The following TOP2A variants were observed in gnomAD, a reference collection of about 807,000 sequenced individuals.
The protein encoded by TOP2A is DNA topoisomerase II alpha.
In TOP2A, 68 loss-of-function variants were observed where a neutral mutation model predicts 187.2. The ratio of observed to expected loss-of-function variants is 0.36; its 90% CI spans 0.30 to 0.44. The LOEUF (loss-of-function observed/expected upper bound fraction) is 0.44, where lower values mean the gene tolerates loss of function less well. Among genes scored for constraint, TOP2A ranks in the 20% least tolerant of loss-of-function variants. The pLI is 1.00. For missense variants in TOP2A, 1,196 were observed against 1,808.7 expected, an observed-to-expected ratio of 0.66 and a Z score of 6.14; for synonymous variants, 542 against 593.2, an observed-to-expected ratio of 0.91 and a Z score of 1.25.
chr17:40,393,716 A>G (rs1384045611), intron 29 of TOP2A, among the ~76,000 whole-genome samples: 2 of 152,206 alleles, frequency 1.3e-5, no homozygotes, highest in Non-Finnish European at 2.9e-5. Flanking sequence ...ATATACAAAA[A>G]CTAATTCAAA....
At position 40,411,957 on chromosome 17, in the gene TOP2A, C is replaced by T. The variant is rs1402889311; in HGVS notation, c.790-139G>A. The T allele has an allele frequency of 2.8e-5, 19 of 685,026 alleles. No individual in the cohort carries two copies. In the East Asian group the frequency reaches 4.7e-4, roughly 17 times the overall value. 42.4% of individuals were successfully genotyped at this position (685,026 alleles called of 1,614,324 possible). ...GGAATGGTCATTAAAGGACACAGGC[C>T]GAGGTGGGTGGATCACTTGAGCCCA... is the stretch of plus-strand genomic sequence containing the variant. On this transcript the variant is annotated intron_variant, in intron 7 of 34. Coordinates refer to ENST00000423485, the MANE Select transcript of TOP2A (RefSeq NM_001067.4). This position sits in a 1 kb window ranked among gnomAD's most constrained non-coding sequence, Gnocchi z 4.4.
chr17:40,400,423 T>G lies in TOP2A; in HGVS notation c.2800-14A>C. 1 of 1,611,914 alleles carries G rather than the reference T, an allele frequency of 6.2e-7. No homozygotes were observed. Among genetic ancestry groups the G allele is most frequent in the Non-Finnish European group, 8.5e-7 (1 of 1,179,140 alleles). On this transcript the variant is annotated splice_polypyrimidine_tract_variant and intron_variant, in intron 22 of 34. Transcript: ENST00000423485. ...TTCTTTGTATGTCTAAAGAAAGAAATAATCCTGAAGTTTCTAAAATATAGG... is the reference window on the plus strand; with the variant it reads ...TTCTTTGTATGTCTAAAGAAAGAAAGAATCCTGAAGTTTCTAAAATATAGG...
rs760976741 is a variant in TOP2A at position 40,416,058 on chromosome 17, C to T, written c.279G>A (p.Ala93=). ...KIFDEILVNA[A]DNKQRDPKMS... ...TTTTTGGGTCCCTTTGTTTGTTGTC[C>T]GCAGCATTAACTGAAAGAAAATAAA... The change falls in exon 4 of 35, where the codon GCG becomes GCA. Residue 93 remains alanine (A), a synonymous_variant. Coordinates refer to ENST00000423485, the MANE Select transcript of TOP2A (RefSeq NM_001067.4). The T allele has an allele frequency of 2.0e-5, 31 of 1,578,072 alleles. No individual in the cohort carries two copies. The highest frequency in any genetic ancestry group is 1.2e-4 in the African/African-American group (9 of 74,224).
At chr17:40,390,674 C>A (rs1157265041) in intron 33 of TOP2A, among the ~76,000 whole-genome samples, 3 of 148,102 alleles carry the variant, frequency 2.0e-5, no homozygotes, top group Non-Finnish European at 3.0e-5. Context: ...CTCGCCCAGG[C>A]TGGAGTGCAG....
chr17:40,412,273 G>T (rs1420578649), intron 7 of TOP2A, among the ~76,000 whole-genome samples: 8 of 152,154 alleles, frequency 5.3e-5, no homozygotes, highest in Admixed American at 5.2e-4. Context: ...AATTCCTTCG[G>T]TAAGTTTAAA....
rs750923941 is a variant in TOP2A at position 40,389,515 on chromosome 17, C to T, written c.*4G>A. On this transcript the variant is annotated 3_prime_UTR_variant, in exon 35 of 35. Transcript: ENST00000423485. ...ATAATTACTTAAAATAATCGCCTCA[C>T]ATTTTAAAACAGATCATCTTCATCT... The T allele has an allele frequency of 6.3e-7, 1 of 1,582,672 alleles. No individual in the cohort carries two copies. Among genetic ancestry groups the T allele is most frequent in the South Asian group, 1.2e-5 (1 of 86,694 alleles).
At chr17:40,399,315 G>C in intron 24 of TOP2A, 184 bp from the exon 25 acceptor site, 2 of 545,208 alleles carry the variant, frequency 3.7e-6, no homozygotes, top group East Asian at 6.0e-5. Context: ...TTACCACAAG[G>C]GGGCAGTCAA....
At chr17:40,397,699 C>T (rs1052906960) in intron 27 of TOP2A, among the ~76,000 whole-genome samples, 2 of 152,050 alleles carry the variant, frequency 1.3e-5, no homozygotes, top group Admixed American at 1.3e-4. Context: ...AAATCAACTC[C>T]TGCTCTTTTC....
chr17:40,406,328 G>A (rs963915571), intron 16 of TOP2A, 56 bp downstream of exon 16: 4 of 1,290,216 alleles, frequency 3.1e-6, no homozygotes, highest in Middle Eastern at 1.9e-4. Context: ...TGTTTCAACT[G>A]GCTAAAGTAG....
chr17:40,394,691 A>C (rs1237449871), intron 29 of TOP2A, among the ~76,000 whole-genome samples: 2 of 152,206 alleles, frequency 1.3e-5, no homozygotes, highest in Non-Finnish European at 2.9e-5. Context: ...AAGATGTTTC[A>C]AAAAAAGTAG....
chr17:40,415,684 G>C (rs551572307), intron 4 of TOP2A, among the ~76,000 whole-genome samples: 2 of 152,152 alleles, frequency 1.3e-5, no homozygotes, highest in Non-Finnish European at 2.9e-5. Flanking sequence ...CAAATAGGCC[G>C]CGTGCCATGG....
At chr17:40,390,554 T>A (rs1598606607) in intron 33 of TOP2A, among the ~76,000 whole-genome samples, 1 of 152,198 alleles carries the variant, frequency 6.6e-6, no homozygotes, top group African/African-American at 2.4e-5. Context: ...GTGATGACTG[T>A]ATATTTAACA....
chr17:40,392,391 C>G (rs1567781023), intron 30 of TOP2A, 50 bp from the exon 31 acceptor site: 1 of 1,548,022 alleles, frequency 6.5e-7, no homozygotes, highest in East Asian at 2.3e-5. Context: ...GTAGGAGAAA[C>G]AATTCATAGG....
At chr17:40,397,377 C>T (rs1215976130) in intron 27 of TOP2A, among the ~76,000 whole-genome samples, 1 of 149,176 alleles carries the variant, frequency 6.7e-6, no homozygotes, top group Non-Finnish European at 1.5e-5. Context: ...CTTCTGCCTT[C>T]TGGGTTCAAG....
At position 40,415,215 on chromosome 17, in the gene TOP2A, C is replaced by T. The variant is rs1457891668; in HGVS notation, c.332+790G>A. Among the ~76,000 whole-genome samples the T allele has an allele frequency of 3.9e-5, 6 of 151,982 alleles. No individual in the cohort carries two copies. In the South Asian group the frequency reaches 8.3e-4, roughly 21 times the overall value. On this transcript the variant is annotated intron_variant, in intron 4 of 34. Transcript: ENST00000423485. ...GACTACAGGCGCCCACCACTACACC[C>T]GGCTAATTTTTTGTATTTTTAGTGG...
intron 29 of TOP2A, among the ~76,000 whole-genome samples, chr17:40,395,079 T>C (rs1005525204): frequency 1.3e-5 from 2 of 151,856 alleles, no homozygotes; most frequent in Non-Finnish European, 2.9e-5. Flanking sequence ...GGTCAGGAGT[T>C]TGAGACCAGC....
chr17:40,395,942 A>G (rs1030735340), intron 28 of TOP2A, among the ~76,000 whole-genome samples: 1 of 151,714 alleles, frequency 6.6e-6, no homozygotes, highest in Non-Finnish European at 1.5e-5. Context: ...AAGTGGACAT[A>G]TGCATCAATA....
At position 40,416,489 on chromosome 17, in the gene TOP2A, ATCT is replaced by A; in HGVS notation, c.198_200del (p.Glu66del). 6.2e-7 allele frequency: 1 copy of A among 1,604,692 alleles called. No individual in the cohort carries two copies. The highest frequency in any genetic ancestry group is 8.5e-7 in the Non-Finnish European group (1 of 1,174,660). On this transcript the variant is annotated inframe_deletion, in exon 3 of 35. Coordinates refer to ENST00000423485, the MANE Select transcript of TOP2A (RefSeq NM_001067.4). The stretch of plus-strand genomic sequence containing the variant: ...TGACTTCCCTATAGTTAATGCCAAC[ATCT>A]TCATCGTAAACCCACATTTGCTAGA...
rs183766786 is a variant in TOP2A at position 40,396,414 on chromosome 17, C to A, written c.3589G>T (p.Gly1197Trp). 2.5e-6 allele frequency: 4 copies of A among 1,613,940 alleles called. No individual in the cohort carries two copies. The African/African-American group carries it at 4.0e-5, about 16-fold the overall frequency. ...GTTTTTTTCCCCTTGGCCTTCCCCCCTTTCCCAGGAAGTCCGACTTGTTCA... is the reference window on the plus strand; with the variant it reads ...GTTTTTTTCCCCTTGGCCTTCCCCCATTTCCCAGGAAGTCCGACTTGTTCA... ...QDEQVGLPGK[G>W]GKAKGKKTQM... The change falls in exon 28 of 35, where the codon GGG becomes TGG. Residue 1197 changes from glycine (G) to tryptophan (W), a missense_variant. Gly to Trp is a radical substitution (Grantham distance 184, BLOSUM62 -2). Around this residue, in one of 10 missense-constraint regions of TOP2A, gnomAD observed 374 missense variants for 403.3 expected, o/e 0.93. Coordinates refer to ENST00000423485, the MANE Select transcript of TOP2A (RefSeq NM_001067.4).
Sources: gnomAD v4.1 joint callset for allele counts (sites outside exome capture counted in the v4.1 genomes callset) on GRCh38, gnomAD v4.1.1 for gene constraint, gnomAD v4.1.1 regional missense constraint, Gnocchi (gnomAD v3.1) non-coding constraint, MANE v1.5 for transcripts, NCBI Gene and HGNC (gene_info 2026-07-23, HGNC 2026-07-21) for gene names.